SLC24A2: variants seen among roughly 807,000 people sequenced by gnomAD.
The protein encoded by SLC24A2 is sodium/potassium/calcium exchanger 2.
Under a neutral mutation model 62.0 loss-of-function variants are expected in SLC24A2, and 36 were observed. The ratio of observed to expected loss-of-function variants is 0.58; its 90% confidence interval spans 0.44 to 0.77. The LOEUF is 0.77. Among genes scored for constraint, SLC24A2 ranks in the 30% least tolerant of loss-of-function variants. The pLI, the probability that SLC24A2 is intolerant of heterozygous loss-of-function variation, is 0.00. For missense variants in SLC24A2, 846 were observed against 817.9 expected, an observed-to-expected ratio of 1.03 and a Z score of -0.42; for synonymous variants, 358 against 294.0, an observed-to-expected ratio of 1.22 and a Z score of -2.23.
At chr9:19,589,057 C>A (rs562823100) in intron 5 of SLC24A2, among the ~76,000 whole-genome samples, 1 of 152,258 alleles carries the variant, frequency 6.6e-6, no homozygotes, top group Admixed American at 6.5e-5. Context: ...AAATATCTTT[C>A]AAATTTTGAA....
chr9:20,093,086 T>C, the SLC24A2 span, among the ~76,000 whole-genome samples: 1 of 151,982 alleles, frequency 6.6e-6, no homozygotes, highest in East Asian at 1.9e-4. Context: ...TTTTTGTTTT[T>C]TTTAGACCGA....
chr9:19,937,781 T>G, the SLC24A2 span, among the ~76,000 whole-genome samples: 1 of 152,222 alleles, frequency 6.6e-6, no homozygotes, highest in Non-Finnish European at 1.5e-5. Flanking sequence ...TCTCTCTGGA[T>G]AGCAAAGCTG....
the SLC24A2 span, among the ~76,000 whole-genome samples, chr9:20,263,438 T>A: frequency 1.3e-5 from 2 of 152,094 alleles, no homozygotes; most frequent in Non-Finnish European, 1.5e-5. Flanking sequence ...TTGTAGAGAC[T>A]GGGTCTTACT....
At chr9:20,237,735 G>C in the SLC24A2 span, among the ~76,000 whole-genome samples, 1 of 152,098 alleles carries the variant, frequency 6.6e-6, no homozygotes, top group African/African-American at 2.4e-5. Context: ...TCTTAATAAA[G>C]TGCAGGGGGA....
At chr9:19,525,391 CTTTTTTTTTTTTTTT>C (rs572919824) in intron 9 of SLC24A2, among the ~76,000 whole-genome samples, 42 of 76,382 alleles carry the variant, frequency 5.5e-4, no homozygotes, top group African/African-American at 2.3e-3. Context: ...TATTTCTTTA[CTTTTTTTTTTTTTTT>C]TTTTTTTTTT....
At chr9:19,644,657 C>T (rs1448201124) in intron 2 of SLC24A2, among the ~76,000 whole-genome samples, 8 of 152,088 alleles carry the variant, frequency 5.3e-5, no homozygotes, top group Admixed American at 3.3e-4. Flanking sequence ...CTGTTTTCCT[C>T]GCTTGACCTT....
chr9:19,813,975 T>C, the SLC24A2 span, among the ~76,000 whole-genome samples: 1 of 152,168 alleles, frequency 6.6e-6, no homozygotes, highest in Non-Finnish European at 1.5e-5. Flanking sequence ...CCCAAGGTCA[T>C]AGTACTTTGC....
At chr9:19,538,210 G>C (rs1222684174) in intron 8 of SLC24A2, among the ~76,000 whole-genome samples, 1 of 106,152 alleles carries the variant, frequency 9.4e-6, no homozygotes, top group East Asian at 3.0e-4. Flanking sequence ...TCTCCTGCCT[G>C]ATTGCCCTGG....
At chr9:19,626,879 T>C (rs1455953467) in intron 2 of SLC24A2, among the ~76,000 whole-genome samples, 3 of 152,164 alleles carry the variant, frequency 2.0e-5, no homozygotes, top group Non-Finnish European at 2.9e-5. Flanking sequence ...GAAGACTAGA[T>C]ACAAGGTGCA....
At chr9:19,940,752 T>G in the SLC24A2 span, among the ~76,000 whole-genome samples, 1 of 152,234 alleles carries the variant, frequency 6.6e-6, no homozygotes, top group Non-Finnish European at 1.5e-5. Flanking sequence ...GGGATGGGCT[T>G]CTGGCCTACA....
At chr9:20,144,942 C>T in the SLC24A2 span, among the ~76,000 whole-genome samples, 1 of 152,024 alleles carries the variant, frequency 6.6e-6, no homozygotes, top group African/African-American at 2.4e-5. Context: ...TAATCCTGTC[C>T]TTCCAAAGAA....
the SLC24A2 span, among the ~76,000 whole-genome samples, chr9:20,160,108 G>C: frequency 2.6e-5 from 4 of 151,336 alleles, no homozygotes; most frequent in African/African-American, 7.3e-5. Context: ...TGACTTACTA[G>C]ATAATGGAAA....
At chr9:19,625,567 C>G (rs1474725459) in intron 2 of SLC24A2, among the ~76,000 whole-genome samples, 2 of 152,174 alleles carry the variant, frequency 1.3e-5, no homozygotes, top group African/African-American at 2.4e-5. Context: ...TTCAATTAAA[C>G]TGGCCCCCTT....
chr9:19,878,172 G>T, the SLC24A2 span, among the ~76,000 whole-genome samples: 1 of 152,088 alleles, frequency 6.6e-6, no homozygotes, highest in Non-Finnish European at 1.5e-5. Flanking sequence ...TCAGCAAGAA[G>T]ACTTCTTATT....
Position 19,510,791 on chromosome 9 carries a change from C to G in SLC24A2, c.*5362G>C, listed in dbSNP as rs1429138973. On this transcript the variant is annotated 3_prime_UTR_variant, in exon 11 of 11. Transcript: ENST00000341998. ...ATATGGTGCTCTACACAGTCCCTCA[C>G]TGTTCGTACGCTAATTTGAAAACAG... The G allele has an allele frequency of 6.6e-6, 1 of 152,276 alleles. No homozygotes were observed. Among genetic ancestry groups the G allele is most frequent in the Non-Finnish European group, 1.5e-5 (1 of 68,058 alleles). The allele number at this position is 152,276 out of a possible 1,614,324, so 9.4% of individuals were successfully genotyped here. A position where few individuals can be genotyped will look rare whatever the true frequency, so the allele number is the denominator to read the frequency against.
chr9:19,876,218 G>T, the SLC24A2 span, among the ~76,000 whole-genome samples: 1 of 152,126 alleles, frequency 6.6e-6, no homozygotes, highest in Admixed American at 6.5e-5. Flanking sequence ...GGCCACAAGG[G>T]CATGTTCAAT....
chr9:20,272,286 C>T, the SLC24A2 span, among the ~76,000 whole-genome samples: 1 of 152,184 alleles, frequency 6.6e-6, no homozygotes, highest in East Asian at 1.9e-4. Flanking sequence ...GATGCTCTAA[C>T]AGATGTCAGA....
At chr9:20,128,626 T>C in the SLC24A2 span, among the ~76,000 whole-genome samples, 1 of 152,086 alleles carries the variant, frequency 6.6e-6, no homozygotes, top group African/African-American at 2.4e-5. Context: ...TTAAGATTTT[T>C]TGCAGAATTA....
At chr9:19,779,618 A>G (rs918461570) in intron 2 of SLC24A2, among the ~76,000 whole-genome samples, 1 of 152,242 alleles carries the variant, frequency 6.6e-6, no homozygotes, top group Non-Finnish European at 1.5e-5. Context: ...AAAAAACTGT[A>G]GATAAAAGGT....
Sources: allele counts gnomAD v4.1 joint callset (sites outside exome capture counted in the v4.1 genomes callset), GRCh38; gene constraint gnomAD v4.1.1; transcripts MANE v1.5; gene names NCBI Gene and HGNC (gene_info 2026-07-23, HGNC 2026-07-21).